AFF3: variants seen among roughly 807,000 people sequenced by gnomAD.
AFF3 encodes ALF transcription elongation factor 3, also known as AF4/FMR2 family member 3.
A neutral mutation model predicts 129.7 loss-of-function variants in AFF3; 32 were observed. That is an observed-to-expected ratio of 0.25 (90% CI 0.19 to 0.33). AFF3 has a LOEUF of 0.33. Ranked by LOEUF, AFF3 falls within the 10% of genes least tolerant of loss-of-function variation. The pLI is 1.00. For synonymous variants in AFF3, 644 were observed against 635.4 expected, an observed-to-expected ratio of 1.01 and a Z score of -0.20; for missense variants, 1,373 against 1,592.0, an observed-to-expected ratio of 0.86 and a Z score of 2.34.
intron 11 of AFF3, among the ~76,000 whole-genome samples, chr2:99,689,480 A>T (rs1008978318): frequency 6.6e-6 from 1 of 151,924 alleles, no homozygotes; most frequent in African/African-American, 2.4e-5. Flanking sequence ...GACCTTATTG[A>T]ATTACCCTCT....
At chr2:99,765,633 T>C (rs544489038) in intron 8 of AFF3, among the ~76,000 whole-genome samples, 3 of 152,234 alleles carry the variant, frequency 2.0e-5, no homozygotes, top group Admixed American at 6.5e-5. Flanking sequence ...AGCTGGCACA[T>C]AGTAGGTGCT....
At chr2:99,680,221 C>G (rs1240435156) in intron 11 of AFF3, among the ~76,000 whole-genome samples, 1 of 152,130 alleles carries the variant, frequency 6.6e-6, no homozygotes, top group Admixed American at 6.5e-5. Flanking sequence ...TATACTCTAT[C>G]ATTTCTATCA....
At chr2:99,783,987 T>C (rs1161947351) in intron 8 of AFF3, among the ~76,000 whole-genome samples, 2 of 152,234 alleles carry the variant, frequency 1.3e-5, no homozygotes, top group Non-Finnish European at 2.9e-5. Context: ...ATTAACTCTC[T>C]TTGATCAAAA....
At chr2:99,946,217 A>T (rs1675543986) in intron 7 of AFF3, among the ~76,000 whole-genome samples, 1 of 151,942 alleles carries the variant, frequency 6.6e-6, no homozygotes, top group South Asian at 2.1e-4. Context: ...TCATGCCTGT[A>T]ATCCCAGCAC....
At chr2:99,668,315 G>A (rs144621386) in intron 12 of AFF3, among the ~76,000 whole-genome samples, 1 of 151,842 alleles carries the variant, frequency 6.6e-6, no homozygotes, top group Non-Finnish European at 1.5e-5. Context: ...GGGATTACAC[G>A]TGCACACCAC....
At chr2:99,898,081 C>A in intron 7 of AFF3, among the ~76,000 whole-genome samples, 1 of 152,320 alleles carries the variant, frequency 6.6e-6, no homozygotes, top group South Asian at 2.1e-4. Context: ...ACCAAGTACA[C>A]GACAATGTTA....
intron 11 of AFF3, among the ~76,000 whole-genome samples, chr2:99,716,062 C>G (rs892975268): frequency 2.2e-4 from 34 of 152,166 alleles, no homozygotes; most frequent in Non-Finnish European, 4.9e-4. Flanking sequence ...TGGGATCTGT[C>G]TACAAGCCTG....
chr2:99,754,618 C>T lies in AFF3; in HGVS notation c.922-2317G>A, dbSNP rs192332193. ...TGAAAAGTCCATAAAAAATGAGTAA[C>T]AGTACTTTCAAAAGAACACTTCCTA... On this transcript the variant is annotated intron_variant, in intron 8 of 24. Transcript: ENST00000672756. Among the ~76,000 whole-genome samples, 793 of 152,306 alleles carry T rather than the reference C, an allele frequency of 5.2e-3. 19 individuals are homozygous for T. The highest frequency in any genetic ancestry group is 0.047 in the Admixed American group (714 of 15,298).
chr2:99,673,515 A>G, intron 11 of AFF3, among the ~76,000 whole-genome samples: 1 of 152,232 alleles, frequency 6.6e-6, no homozygotes, highest in Non-Finnish European at 1.5e-5. Context: ...TTTCAGATTA[A>G]TTCATTTCAA....
At chr2:99,818,143 T>C (rs949894423) in intron 8 of AFF3, among the ~76,000 whole-genome samples, 65 of 152,284 alleles carry the variant, frequency 4.3e-4, no homozygotes, top group African/African-American at 1.5e-3. Flanking sequence ...AATCTGAAAG[T>C]TTTTGAGCAC....
chr2:99,792,784 C>T (rs1374845752), intron 8 of AFF3, among the ~76,000 whole-genome samples: 2 of 152,094 alleles, frequency 1.3e-5, no homozygotes, highest in African/African-American at 2.4e-5. Context: ...GATTTTTGTA[C>T]GTTAAACCTT....
intron 11 of AFF3, among the ~76,000 whole-genome samples, chr2:99,692,448 G>A (rs1281915446): frequency 6.6e-6 from 1 of 152,154 alleles, no homozygotes; most frequent in African/African-American, 2.4e-5. Flanking sequence ...CAGGAGGCAG[G>A]GGCTATGCTT....
intron 7 of AFF3, among the ~76,000 whole-genome samples, chr2:99,864,935 G>C (rs1172275067): frequency 6.6e-6 from 1 of 152,198 alleles, no homozygotes; most frequent in African/African-American, 2.4e-5. Context: ...TGGAGACTGA[G>C]AGGTGACATG....
Position 99,582,886 on chromosome 2 carries a change from G to C in AFF3, c.2705C>G (p.Pro902Arg). Reference sequence around the variant, plus strand: ...TGAAGTAAACAAACTGTTGCCATTAGGTCGGCTGGAAGAAGTTAAGTCCTC... The same window carrying C: ...TGAAGTAAACAAACTGTTGCCATTACGTCGGCTGGAAGAAGTTAAGTCCTC... ...TSEDLTSSSR[P>R]NGNSLFTSAS... Residue 902 changes from proline (P) to arginine (R), a missense_variant, in exon 17 of 25, where the codon CCT becomes CGT. By Grantham distance (103) the Pro-to-Arg change is moderately radical. Coordinates refer to ENST00000672756, the MANE Select transcript of AFF3 (RefSeq NM_001386135.1). 6.2e-7 allele frequency: 1 copy of C among 1,614,238 alleles called. No homozygotes were observed. The highest frequency in any genetic ancestry group is 8.5e-7 in the Non-Finnish European group (1 of 1,180,050).
intron 7 of AFF3, among the ~76,000 whole-genome samples, chr2:99,991,278 C>T (rs182037303): frequency 2.6e-5 from 4 of 152,330 alleles, no homozygotes; most frequent in Admixed American, 6.5e-5. Context: ...ACACACTTAA[C>T]GCTCTTCAAG....
At chr2:100,039,146 C>CTA (rs948890692) in intron 4 of AFF3, among the ~76,000 whole-genome samples, 6 of 152,202 alleles carry the variant, frequency 3.9e-5, no homozygotes, top group Non-Finnish European at 8.8e-5. Flanking sequence ...ACCAACTTCA[C>CTA]TATATCTCTT....
At chr2:99,661,311 C>T (rs759816897) in intron 12 of AFF3, among the ~76,000 whole-genome samples, 9 of 152,218 alleles carry the variant, frequency 5.9e-5, no homozygotes, top group Non-Finnish European at 1.0e-4. Context: ...CCTCTCCTGG[C>T]TCCTGAATGG....
At chr2:99,667,056 G>C (rs1216551349) in intron 12 of AFF3, among the ~76,000 whole-genome samples, 2 of 152,096 alleles carry the variant, frequency 1.3e-5, no homozygotes, top group Admixed American at 6.5e-5. Context: ...GATATTAATA[G>C]AACACCCTAC....
intron 7 of AFF3, among the ~76,000 whole-genome samples, chr2:99,953,895 T>C (rs992988532): frequency 1.3e-5 from 2 of 152,126 alleles, no homozygotes; most frequent in Non-Finnish European, 2.9e-5. Flanking sequence ...GCATGTTCCT[T>C]TGATCAATGG....
Sources: gnomAD v4.1 joint callset for allele counts (sites outside exome capture counted in the v4.1 genomes callset) on GRCh38, gnomAD v4.1.1 for gene constraint, MANE v1.5 for transcripts, NCBI Gene and HGNC (gene_info 2026-07-23, HGNC 2026-07-21) for gene names.